Variants in ATP11A observed in about 807,000 individuals in gnomAD.
ATP11A encodes the protein phospholipid-transporting ATPase IH.
Under a neutral mutation model 154.4 loss-of-function variants are expected in ATP11A, and 81 were observed. The ratio of observed to expected loss-of-function variants is 0.52; its 90% CI spans 0.44 to 0.63. The LOEUF is 0.63. Among genes scored for constraint, ATP11A ranks in the 30% least tolerant of loss-of-function variants. ATP11A has a pLI of 0.00. For missense variants in ATP11A, 1,316 were observed against 1,474.3 expected (o/e 0.89, Z 1.76); for synonymous variants, 623 against 585.9 (o/e 1.06, Z -0.91).
At chr13:112,725,023 G>A (rs2139657596) in intron 1 of ATP11A, among the ~76,000 whole-genome samples, 1 of 152,302 alleles carries the variant, frequency 6.6e-6, no homozygotes, top group African/African-American at 2.4e-5. Context: ...CCTTGGGGTG[G>A]ATTGTCTGTG....
In ATP11A at chr13:112,883,085, C is replaced by G. The variant is rs977235815; in HGVS notation, c.*1219C>G. 2.7e-6 allele frequency: 1 copy of G among 367,702 alleles called. No homozygotes were observed. The highest frequency in any genetic ancestry group is 4.8e-5 in the Admixed American group (1 of 21,008). 22.8% of individuals were successfully genotyped at this position (367,702 alleles called of 1,614,324 possible). ...GCCCCGTCACCTCGTCCTCATGTCC[C>G]CTTGTCCTGTCACCTCGTCCCCACG... On this transcript the variant is annotated 3_prime_UTR_variant, in exon 30 of 30. Coordinates refer to ENST00000375645, the MANE Select transcript of ATP11A (RefSeq NM_015205.3).
At chr13:112,707,505 G>C (rs1887281103) in intron 1 of ATP11A, among the ~76,000 whole-genome samples, 1 of 151,816 alleles carries the variant, frequency 6.6e-6, no homozygotes, top group South Asian at 2.1e-4. Flanking sequence ...TTTGGAAGTT[G>C]ACAACGACCA....
intron 1 of ATP11A, among the ~76,000 whole-genome samples, chr13:112,728,209 A>G (rs1048581785): frequency 1.3e-5 from 2 of 152,188 alleles, no homozygotes; most frequent in African/African-American, 4.8e-5. Context: ...TTACCCAGAT[A>G]ACTGGACTGG....
intron 1 of ATP11A, among the ~76,000 whole-genome samples, chr13:112,751,264 C>T (rs9603934): frequency 2.4e-3 from 370 of 152,310 alleles, no homozygotes; most frequent in African/African-American, 8.5e-3. Context: ...TGCCACCGTA[C>T]GTTTTTCTTC....
intron 1 of ATP11A, among the ~76,000 whole-genome samples, chr13:112,752,451 T>C (rs969954475): frequency 1.3e-5 from 2 of 152,070 alleles, no homozygotes; most frequent in African/African-American, 4.8e-5. Flanking sequence ...GGCGCCCCTG[T>C]GTGGAGCGGG....
chr13:112,740,192 T>A lies in ATP11A; in HGVS notation c.40-44943T>A, dbSNP rs181699854. Reference sequence around the variant, plus strand: ...TATAGATATCTATATGTATATATATTTTTTTGAGACGGAGTCTCGCTCTGT... The same window carrying A: ...TATAGATATCTATATGTATATATATATTTTTGAGACGGAGTCTCGCTCTGT... On this transcript the variant is annotated intron_variant, in intron 1 of 29. Transcript: ENST00000375645. Among the ~76,000 whole-genome samples the A allele has an allele frequency of 2.2e-4, 34 of 151,478 alleles. No homozygotes were observed. The East Asian group carries it at 6.0e-3, about 27-fold the overall frequency.
intron 25 of ATP11A, among the ~76,000 whole-genome samples, chr13:112,865,557 T>G (rs1464976312): frequency 2.0e-5 from 3 of 152,160 alleles, no homozygotes; most frequent in East Asian, 3.9e-4. Flanking sequence ...TGTTTTTTTG[T>G]TGTTGTTGTT....
At chr13:112,842,677 A>C (rs1404205486) in intron 17 of ATP11A, among the ~76,000 whole-genome samples, 1 of 152,202 alleles carries the variant, frequency 6.6e-6, no homozygotes, top group African/African-American at 2.4e-5. Flanking sequence ...TGTTTTGGGG[A>C]GTCAGAATTA....
At chr13:112,729,826 G>A (rs959286606) in intron 1 of ATP11A, among the ~76,000 whole-genome samples, 7 of 152,252 alleles carry the variant, frequency 4.6e-5, no homozygotes, top group African/African-American at 9.6e-5. Context: ...GGAAAAAAAC[G>A]CGCAAACTGT....
At chr13:112,714,006 T>C (rs1487068899) in intron 1 of ATP11A, among the ~76,000 whole-genome samples, 1 of 46,256 alleles carries the variant, frequency 2.2e-5, no homozygotes, top group African/African-American at 9.8e-5. Flanking sequence ...TCCCTTCCAC[T>C]CCCCCCCACC....
In ATP11A at chr13:112,859,215, A is replaced by G. The variant is rs2080027506; in HGVS notation, c.2668-178A>G. 4 of 636,788 alleles carry G rather than the reference A, an allele frequency of 6.3e-6. No homozygotes were observed. The highest frequency in any genetic ancestry group is 2.7e-5 in the East Asian group (1 of 37,336). The allele number at this position is 636,788 out of a possible 1,614,324, so 39.4% of individuals were successfully genotyped here. A position where few individuals can be genotyped will look rare whatever the true frequency, so the allele number is the denominator to read the frequency against. On this transcript the variant is annotated intron_variant, in intron 22 of 29. Coordinates refer to ENST00000375645, the MANE Select transcript of ATP11A (RefSeq NM_015205.3). This position sits in a 1 kb window ranked among gnomAD's most constrained non-coding sequence, Gnocchi z 4.3. The stretch of plus-strand genomic sequence containing the variant: ...TCCTGAGTGGCCAAAACGTGGTCAC[A>G]TGTGCATTTCAGTTGCCCCTGAAAT...
intron 1 of ATP11A, among the ~76,000 whole-genome samples, chr13:112,775,957 C>G (rs954154212): frequency 1.3e-5 from 2 of 152,248 alleles, no homozygotes; most frequent in Admixed American, 1.3e-4. Flanking sequence ...TGCTGCGCCT[C>G]CCGGGCGTGA....
chr13:112,871,998 C>G (rs1184063289), intron 26 of ATP11A, among the ~76,000 whole-genome samples, 198 bp downstream of exon 26: 1 of 152,218 alleles, frequency 6.6e-6, no homozygotes, highest in African/African-American at 2.4e-5. Flanking sequence ...AGCCACTCAG[C>G]ACACCCGGCC....
rs564866849 is a variant in ATP11A, at chr13:112,854,854, G to A, written c.2243+324G>A. ...AATTCTCATCTGTTTCTGAGACTTA[G>A]GGGCTCTGCTTCAGGCACCTTCAAG... On this transcript the variant is annotated intron_variant, in intron 19 of 29. Transcript: ENST00000375645. 3.9e-5 allele frequency among the ~76,000 whole-genome samples: 6 copies of A among 152,240 alleles called. 1 individual carries two copies. The South Asian group carries it at 1.0e-3, about 26-fold the overall frequency.
At chr13:112,876,458 C>G (rs1278757) in intron 28 of ATP11A, among the ~76,000 whole-genome samples, 1 of 151,632 alleles carries the variant, frequency 6.6e-6, no homozygotes, top group African/African-American at 2.4e-5. Flanking sequence ...GACTTAGCTC[C>G]CGGTCCCCCA....
At chr13:112,694,397 C>G (rs1885544557) in intron 1 of ATP11A, among the ~76,000 whole-genome samples, 1 of 152,194 alleles carries the variant, frequency 6.6e-6, no homozygotes, top group Non-Finnish European at 1.5e-5. Context: ...TGCTCAGCTA[C>G]CTGTGGGTCC....
rs76277554 is a variant in ATP11A at position 112,882,274 on chromosome 13, G to C, written c.*408G>C. On this transcript the variant is annotated 3_prime_UTR_variant, in exon 30 of 30. Coordinates refer to ENST00000375645, the MANE Select transcript of ATP11A (RefSeq NM_015205.3). This position sits in a 1 kb window ranked among gnomAD's most constrained non-coding sequence, Gnocchi z 5.1. ...GGCCCACCCTGCGCGCTGTCATGCA[G>C]AGGCCATTCCCCCAGGCCTGTGTCT... 404 of 497,088 alleles carry C rather than the reference G, an allele frequency of 8.1e-4. 5 individuals are homozygous for C. In the East Asian group the frequency reaches 0.027, roughly 33 times the overall value. The allele number at this position is 497,088 out of a possible 1,614,324, so 30.8% of individuals were successfully genotyped here. A position where few individuals can be genotyped will look rare whatever the true frequency, so the allele number is the denominator to read the frequency against.
intron 2 of ATP11A, among the ~76,000 whole-genome samples, chr13:112,793,978 G>T (rs2077929954): frequency 1.3e-5 from 2 of 152,220 alleles, no homozygotes; most frequent in African/African-American, 4.8e-5. Context: ...CCAGCTCAGG[G>T]CCAAAATCAG....
At chr13:112,769,450 G>T (rs918657147) in intron 1 of ATP11A, among the ~76,000 whole-genome samples, 2 of 152,234 alleles carry the variant, frequency 1.3e-5, no homozygotes, top group African/African-American at 4.8e-5. Flanking sequence ...GGCAGCTGTG[G>T]CCTCTTTGCT....
Sources: allele counts gnomAD v4.1 joint callset (sites outside exome capture counted in the v4.1 genomes callset), GRCh38; gene constraint gnomAD v4.1.1; non-coding constraint Gnocchi (gnomAD v3.1); transcripts MANE v1.5; gene names NCBI Gene and HGNC (gene_info 2026-07-23, HGNC 2026-07-21).